Variants in RANBP17 observed in about 807,000 individuals in gnomAD.
RANBP17 encodes the protein ran-binding protein 17.
Under a neutral mutation model 141.2 loss-of-function variants are expected in RANBP17, and 158 were observed. The ratio of observed to expected loss-of-function variants is 1.12; its 90% CI spans 0.98 to 1.28. The LOEUF (loss-of-function observed/expected upper bound fraction) is 1.28. Ranked by LOEUF, RANBP17 falls within the 50% of genes most tolerant of loss-of-function variation. The pLI is 0.00. For synonymous variants in RANBP17, 430 were observed against 450.0 expected, an observed-to-expected ratio of 0.96 and a Z score of 0.56; for missense variants, 1,438 against 1,290.7, an observed-to-expected ratio of 1.11 and a Z score of -1.75.
At chr5:171,122,358 G>A (rs1018035040) in intron 14 of RANBP17, among the ~76,000 whole-genome samples, 4 of 152,116 alleles carry the variant, frequency 2.6e-5, no homozygotes, top group Non-Finnish European at 5.9e-5. Context: ...GTATTTCAAG[G>A]AAGTTTGAAA....
In RANBP17 at chr5:170,968,319, G is replaced by T; in HGVS notation, c.1652G>T (p.Trp551Leu). The T allele has an allele frequency of 6.2e-7, 1 of 1,609,398 alleles. No individual in the cohort carries two copies. The highest frequency in any genetic ancestry group is 8.5e-7 in the Non-Finnish European group (1 of 1,177,876). The stretch of plus-strand genomic sequence containing the variant: ...GAGAAAATAGAGCTTGCAATTCTGT[G>T]GTTCTTGGATCAGTTTCGTAAAACA... ...CNEKIELAILWFLDQFRKTYV... is the reference protein window; with the variant it reads ...CNEKIELAILLFLDQFRKTYV... Residue 551 changes from tryptophan (W) to leucine (L), a missense_variant, in exon 14 of 28, where the codon TGG (tryptophan) becomes TTG (leucine). Trp to Leu is a moderately conservative substitution (Grantham distance 61). Coordinates refer to ENST00000523189, the MANE Select transcript of RANBP17 (RefSeq NM_022897.5).
In RANBP17 at chr5:171,299,081, A is replaced by C; in HGVS notation, c.*223A>C. ...TCTGAAAAGCAAAGGATGTGTTTTCAGTCTTTCTATCAAATATTATCTTTG... is the reference window on the plus strand; with the variant it reads ...TCTGAAAAGCAAAGGATGTGTTTTCCGTCTTTCTATCAAATATTATCTTTG... On this transcript the variant is annotated 3_prime_UTR_variant, in exon 28 of 28. Coordinates refer to ENST00000523189, the MANE Select transcript of RANBP17 (RefSeq NM_022897.5). 2.3e-6 allele frequency: 1 copy of C among 438,114 alleles called. No individual in the cohort carries two copies. The highest frequency in any genetic ancestry group is 4.1e-6 in the Non-Finnish European group (1 of 243,522). 27.1% of individuals were successfully genotyped at this position (438,114 alleles called of 1,614,324 possible). A position where few individuals can be genotyped will look rare whatever the true frequency, so the allele number is the denominator to read the frequency against.
At position 170,882,818 on chromosome 5, in the gene RANBP17, A is replaced by T. The variant is rs190246210; in HGVS notation, c.256+922A>T. Among the ~76,000 whole-genome samples, 67 of 152,294 alleles carry T rather than the reference A, an allele frequency of 4.4e-4. No homozygotes were observed. The East Asian group carries it at 0.012, about 28-fold the overall frequency. On this transcript the variant is annotated intron_variant, in intron 3 of 27. Transcript: ENST00000523189. ...AGTAGCAGTATGTTTTTTGGAGTTA[A>T]TGTATTTTAAGTTTTTGTGTGTATG...
At chr5:170,983,299 C>T (rs1019176070) in intron 14 of RANBP17, 1 of 255,542 alleles carries the variant, frequency 3.9e-6, no homozygotes, top group Non-Finnish European at 7.5e-6. Context: ...AGATTACTTG[C>T]TGTCTTGGAC....
At chr5:170,914,333 A>G (rs1234578496) in intron 8 of RANBP17, 93 bp downstream of exon 8, 11 of 725,886 alleles carry the variant, frequency 1.5e-5, no homozygotes, top group Non-Finnish European at 1.9e-5. Context: ...TATATATTCA[A>G]TTGAGTTTAC....
At position 171,222,898 on chromosome 5, in the gene RANBP17, G is replaced by A. The variant is rs903767930; in HGVS notation, c.2422+1058G>A. On this transcript the variant is annotated intron_variant, in intron 22 of 27. Transcript: ENST00000523189. ...CCCACCTCAGCCTCCCAAAGTAATGGGATTACAGGCATGAGCCACTGCACC... is the reference window on the plus strand; with the variant it reads ...CCCACCTCAGCCTCCCAAAGTAATGAGATTACAGGCATGAGCCACTGCACC... Among the ~76,000 whole-genome samples, 5 of 152,080 alleles carry A rather than the reference G, an allele frequency of 3.3e-5. No homozygotes were observed. In the East Asian group the frequency reaches 9.7e-4, roughly 29 times the overall value.
chr5:171,189,936 G>A (rs1329658055), intron 18 of RANBP17, among the ~76,000 whole-genome samples: 1 of 150,122 alleles, frequency 6.7e-6, no homozygotes, highest in Non-Finnish European at 1.5e-5. Context: ...TATATTAAAT[G>A]AAAAAAATAA....
chr5:171,262,885 C>G (rs1766427737), intron 24 of RANBP17, among the ~76,000 whole-genome samples: 2 of 152,156 alleles, frequency 1.3e-5, no homozygotes, highest in Admixed American at 1.3e-4. Flanking sequence ...CCCTCATGAT[C>G]CTGTATTAGC....
chr5:170,931,270 C>T (rs1304291628), intron 12 of RANBP17, among the ~76,000 whole-genome samples: 1 of 152,018 alleles, frequency 6.6e-6, no homozygotes, highest in Non-Finnish European at 1.5e-5. Flanking sequence ...TTGATTTTTT[C>T]TTGTAAATTT....
chr5:171,203,486 C>G (rs1337126661), intron 19 of RANBP17, among the ~76,000 whole-genome samples: 3 of 152,080 alleles, frequency 2.0e-5, no homozygotes, highest in Non-Finnish European at 4.4e-5. Flanking sequence ...CACATTAACA[C>G]TGAATTTTTC....
At chr5:171,287,816 T>A (rs898266014) in intron 25 of RANBP17, among the ~76,000 whole-genome samples, 6 of 151,602 alleles carry the variant, frequency 4.0e-5, no homozygotes, top group Admixed American at 6.6e-5. Flanking sequence ...AACCTCCACC[T>A]CCTGGGTTCA....
intron 14 of RANBP17, among the ~76,000 whole-genome samples, chr5:171,082,886 GAA>G (rs11418055): frequency 6.9e-6 from 1 of 145,116 alleles, no homozygotes; most frequent in African/African-American, 2.6e-5. Flanking sequence ...CCTCTTTAAA[GAA>G]AAAAAAAAAA....
chr5:170,952,449 A>G (rs1775284778), intron 12 of RANBP17, among the ~76,000 whole-genome samples: 1 of 152,060 alleles, frequency 6.6e-6, no homozygotes, highest in Non-Finnish European at 1.5e-5. Context: ...TCTAATTTAC[A>G]GGAATCTTGT....
chr5:171,167,853 A>G (rs1759813070), intron 14 of RANBP17, among the ~76,000 whole-genome samples: 1 of 152,220 alleles, frequency 6.6e-6, no homozygotes, highest in Admixed American at 6.5e-5. Context: ...ATCAGTTACT[A>G]AATATTCAAG....
At chr5:171,194,906 A>T (rs1162421987) in intron 18 of RANBP17, among the ~76,000 whole-genome samples, 1 of 152,242 alleles carries the variant, frequency 6.6e-6, no homozygotes, top group Non-Finnish European at 1.5e-5. Context: ...GCCAGCCAAC[A>T]TACTAAAACA....
chr5:171,035,410 G>A (rs1447868691), intron 14 of RANBP17, among the ~76,000 whole-genome samples: 1 of 152,190 alleles, frequency 6.6e-6, no homozygotes, highest in Admixed American at 6.5e-5. Flanking sequence ...TATTAGAGAG[G>A]TGGTTCTAAG....
rs760733367 is a variant in RANBP17 at position 170,941,323 on chromosome 5, CAA to C, written c.1469-12273_1469-12272del. Among the ~76,000 whole-genome samples the C allele has an allele frequency of 1.1e-3, 161 of 152,004 alleles. 1 individual carries two copies. The highest frequency in any genetic ancestry group is 5.4e-4 in the Non-Finnish European group (37 of 67,936). On this transcript the variant is annotated intron_variant, in intron 12 of 27. Transcript: ENST00000523189. ...ATCAGAAGTTAGATCTTTAAAAAGA[CAA>C]GAGTAACAAACCTCTTGTGATTAGG...
chr5:171,182,185 TA>T, intron 16 of RANBP17, among the ~76,000 whole-genome samples: 1 of 152,328 alleles, frequency 6.6e-6, no homozygotes, highest in African/African-American at 2.4e-5. Flanking sequence ...TGGAGCCATA[TA>T]AGATTATTAC....
chr5:171,116,099 G>C (rs1471877199), intron 14 of RANBP17, among the ~76,000 whole-genome samples: 2 of 152,190 alleles, frequency 1.3e-5, no homozygotes, highest in Non-Finnish European at 2.9e-5. Flanking sequence ...ATTAAAGACA[G>C]GTAAATTTAA....
Sources: gnomAD v4.1 joint callset for allele counts (sites outside exome capture counted in the v4.1 genomes callset) on GRCh38, gnomAD v4.1.1 for gene constraint, MANE v1.5 for transcripts, NCBI Gene and HGNC (gene_info 2026-07-23, HGNC 2026-07-21) for gene names.